Variants in ALDH3B2 observed in about 807,000 individuals in gnomAD.
ALDH3B2 encodes aldehyde dehydrogenase family 3 member B2.
In ALDH3B2, 45 loss-of-function variants were observed where a neutral mutation model predicts 36.7. That is an observed-to-expected ratio of 1.23 (90% CI 0.97 to 1.57). The LOEUF (loss-of-function observed/expected upper bound fraction) is 1.57. Among genes scored for constraint, ALDH3B2 ranks in the 40% most tolerant of loss-of-function variants. The pLI is 0.00. For synonymous variants in ALDH3B2, 217 were observed against 226.5 expected (o/e 0.96, Z 0.38); for missense variants, 464 against 513.3 (o/e 0.90, Z 0.93).
chr11:67,678,653 A>T (rs1856312764), upstream of ALDH3B2, among the ~76,000 whole-genome samples: 1 of 150,446 alleles, frequency 6.6e-6, no homozygotes, highest in Admixed American at 6.7e-5. Context: ...ATATATATAC[A>T]CTATGATATA....
chr11:67,679,510 T>G (rs1856331111), upstream of ALDH3B2, among the ~76,000 whole-genome samples: 1 of 151,582 alleles, frequency 6.6e-6, no homozygotes, highest in Admixed American at 6.6e-5. Context: ...CCAGGCACAG[T>G]GGCTCATGCC....
intron 3 of ALDH3B2, 105 bp downstream of exon 3, chr11:67,666,801 G>A (rs1855932903): frequency 6.2e-7 from 1 of 1,608,460 alleles, no homozygotes; most frequent in Non-Finnish European, 8.5e-7. Flanking sequence ...CAGGAGAGAC[G>A]AGAAAATCAG....
chr11:67,666,736 C>A, intron 3 of ALDH3B2, 42 bp from the exon 4 acceptor site: 1 of 1,611,940 alleles, frequency 6.2e-7, no homozygotes, highest in Non-Finnish European at 8.5e-7. Context: ...CAAGGGCCAC[C>A]CCAAAGCCCA....
intron 2 of ALDH3B2, 32 bp downstream of exon 2, chr11:67,667,441 G>A: frequency 2.8e-6 from 1 of 358,652 alleles, no homozygotes; most frequent in East Asian, 4.8e-5. Context: ...CGCTGCTCCA[G>A]CCCCTGCCGG....
intron 7 of ALDH3B2, 107 bp downstream of exon 7, chr11:67,665,178 G>C (rs1855861497): frequency 1.3e-6 from 2 of 1,508,058 alleles, no homozygotes; most frequent in Non-Finnish European, 1.8e-6. Flanking sequence ...GGCTCTGATA[G>C]TGGGGCCGGG....
chr11:67,663,842 G>T lies in ALDH3B2; in HGVS notation c.874-81C>A, dbSNP rs1033538605. The T allele has an allele frequency of 3.5e-5, 44 of 1,255,832 alleles. No homozygotes were observed. The African/African-American group carries it at 4.9e-4, about 14-fold the overall frequency. The allele number at this position is 1,255,832 out of a possible 1,614,324, so 77.8% of individuals were successfully genotyped here. ...GCCCCGCACATTCCACAGCGGAGGT[G>T]AGCCTCATCCTCACCTGCCCCTCCA... On this transcript the variant is annotated intron_variant, in intron 8 of 9. Transcript: ENST00000349015.
At chr11:67,666,635 G>T in exon 4 of ALDH3B2, 1 of 1,614,128 alleles carries the variant, frequency 6.2e-7, no homozygotes, top group Non-Finnish European at 8.5e-7. Context: ...TCCAGGGTGC[G>T]ATGATGAGGA....
At chr11:67,666,691 T>C (rs757458910) in exon 4 of ALDH3B2, 4 of 1,614,090 alleles carry the variant, frequency 2.5e-6, no homozygotes, top group South Asian at 1.1e-5. Flanking sequence ...TCCAGCTTCA[T>C]GAACTGAGGC....
At chr11:67,675,562 C>G (rs757440071), upstream of ALDH3B2, among the ~76,000 whole-genome samples, 7 of 152,204 alleles carry the variant, frequency 4.6e-5, 1 homozygote, top group South Asian at 1.4e-3. Context: ...GTGTGCAGCC[C>G]TGTGGGCAGG....
intron 7 of ALDH3B2, 59 bp from the exon 8 acceptor site, chr11:67,664,621 A>G (rs2134128876): frequency 1.9e-6 from 3 of 1,594,446 alleles, no homozygotes; most frequent in South Asian, 2.2e-5. Flanking sequence ...CCCCAGGGGT[A>G]GGGTAGAGGT....
chr11:67,674,600 C>G (rs964125133), exon 1 of ALDH3B2: 2 of 152,988 alleles, frequency 1.3e-5, no homozygotes, highest in Non-Finnish European at 2.9e-5. Context: ...AACTCCCGTG[C>G]CCACGCCTGG....
intron 1 of ALDH3B2, among the ~76,000 whole-genome samples, chr11:67,670,835 C>T (rs1194595050): frequency 6.6e-6 from 1 of 152,200 alleles, no homozygotes; most frequent in Non-Finnish European, 1.5e-5. Flanking sequence ...TGGAGGAGGA[C>T]GCAGCATACA....
chr11:67,666,351 C>G, exon 5 of ALDH3B2: 1 of 1,606,358 alleles, frequency 6.2e-7, no homozygotes. Context: ...TCAGCCAGGA[C>G]CTTCTCTGTG....
intron 4 of ALDH3B2, 78 bp downstream of exon 4, chr11:67,666,496 T>G (rs1016870520): frequency 2.5e-6 from 4 of 1,606,564 alleles, no homozygotes; most frequent in African/African-American, 2.7e-5. Context: ...CCAGGGTACC[T>G]CAGAGCAAGA....
chr11:67,672,085 A>ATATATATATATATG (rs1398899805), intron 1 of ALDH3B2, among the ~76,000 whole-genome samples: 14 of 52,830 alleles, frequency 2.7e-4, no homozygotes, highest in Non-Finnish European at 3.6e-4. Flanking sequence ...ATATATATAT[A>ATATATATATATATG]TATGTATGTA....
exon 10 of ALDH3B2, chr11:67,663,151 G>A: frequency 6.6e-7 from 1 of 1,514,998 alleles, no homozygotes; most frequent in Non-Finnish European, 8.9e-7. Context: ...TGAGTTGGGA[G>A]CATAAGCCCC....
rs1248436452 is a variant in ALDH3B2, at chr11:67,665,532, C to T, written c.459G>A (p.Trp153Ter). 3.7e-6 allele frequency: 6 copies of T among 1,613,956 alleles called. No homozygotes were observed. The highest frequency in any genetic ancestry group is 5.1e-6 in the Non-Finnish European group (6 of 1,180,004). ...TCTGGCCGGCATTGAAGTAGCAGAA[C>T]CAGGCCACGCGGTTGGCCACGGTCT... Residue 153 changes from tryptophan (W) to a stop codon, truncating the protein, a stop_gained, in exon 7 of 10, where the codon TGG (tryptophan) becomes TGA (stop). Coordinates refer to ENST00000349015, the Ensembl canonical transcript of ALDH3B2. LOFTEE classifies it high-confidence loss of function.
intron 1 of ALDH3B2, among the ~76,000 whole-genome samples, chr11:67,679,940 T>C (rs1856340139): frequency 1.3e-5 from 2 of 152,310 alleles, no homozygotes; most frequent in South Asian, 4.1e-4. Context: ...ATAACACTTA[T>C]TACTAGATTC....
At chr11:67,671,648 G>T (rs981949729) in intron 1 of ALDH3B2, among the ~76,000 whole-genome samples, 1 of 150,300 alleles carries the variant, frequency 6.7e-6, no homozygotes, top group Non-Finnish European at 1.5e-5. Flanking sequence ...CCAGGTTCAA[G>T]TAATTCTTCT....
Sources: gnomAD v4.1 joint callset for allele counts (sites outside exome capture counted in the v4.1 genomes callset) on GRCh38, gnomAD v4.1.1 for gene constraint, MANE v1.5 for transcripts, NCBI Gene and HGNC (gene_info 2026-07-23, HGNC 2026-07-21) for gene names.